The following L3MBTL4 variants were observed in gnomAD, a reference collection of about 807,000 sequenced individuals.
L3MBTL4 encodes L3MBTL histone methyl-lysine binding protein 4, also known as lethal(3)malignant brain tumor-like protein 4.
L3MBTL4 carries 70 observed loss-of-function variants against 84.5 expected under a neutral mutation model. The ratio of observed to expected loss-of-function variants is 0.83; its 90% confidence interval spans 0.68 to 1.01. The LOEUF (loss-of-function observed/expected upper bound fraction) is 1.01, where lower values mean the gene tolerates loss of function less well. Among genes scored for constraint, L3MBTL4 ranks in the 50% least tolerant of loss-of-function variants. The pLI is 0.00. For synonymous variants in L3MBTL4, 274 were observed against 259.8 expected (o/e 1.05, Z -0.52); for missense variants, 715 against 754.8 (o/e 0.95, Z 0.62).
chr18:5,956,525 C>T (rs1255323006), intron 18 of L3MBTL4, 138 bp from the exon 19 acceptor site: 12 of 697,462 alleles, frequency 1.7e-5, no homozygotes, highest in South Asian at 7.4e-5. Flanking sequence ...GAGAGAATGA[C>T]GGTAGCTCTC....
At chr18:6,020,250 G>A (rs570214929) in intron 16 of L3MBTL4, among the ~76,000 whole-genome samples, 5 of 152,224 alleles carry the variant, frequency 3.3e-5, no homozygotes, top group East Asian at 1.9e-4. Flanking sequence ...GGGAAGAGAC[G>A]TCCAGGCTGA....
intron 4 of L3MBTL4, among the ~76,000 whole-genome samples, chr18:6,279,752 T>A (rs929969591): frequency 6.6e-6 from 1 of 152,222 alleles, no homozygotes; most frequent in Non-Finnish European, 1.5e-5. Context: ...TACCACCCTG[T>A]AAGTCATCAG....
At chr18:5,964,017 G>A (rs2052201913) in intron 17 of L3MBTL4, among the ~76,000 whole-genome samples, 1 of 152,232 alleles carries the variant, frequency 6.6e-6, no homozygotes, top group Non-Finnish European at 1.5e-5. Flanking sequence ...CCTGGGCCTT[G>A]GCTTTGGCTC....
intron 12 of L3MBTL4, among the ~76,000 whole-genome samples, chr18:6,191,723 TCACACTTATAATCC>T (rs1429792999): frequency 6.6e-6 from 1 of 152,132 alleles, no homozygotes; most frequent in Non-Finnish European, 1.5e-5. Flanking sequence ...GTGCAGTGGT[TCACACTTATAATCC>T]CAACACTTTG....
At chr18:5,997,647 A>G (rs1243974208) in intron 16 of L3MBTL4, among the ~76,000 whole-genome samples, 1 of 152,032 alleles carries the variant, frequency 6.6e-6, no homozygotes, top group African/African-American at 2.4e-5. Context: ...AGACGGAACC[A>G]ATGTAAATCT....
chr18:6,352,557 T>A (rs891419951), intron 1 of L3MBTL4, among the ~76,000 whole-genome samples: 1 of 152,226 alleles, frequency 6.6e-6, no homozygotes, highest in Middle Eastern at 3.2e-3. Flanking sequence ...TTATTGTGAC[T>A]ATTTGTCACT....
At chr18:6,330,126 A>G (rs1463676015) in intron 1 of L3MBTL4, among the ~76,000 whole-genome samples, 1 of 152,182 alleles carries the variant, frequency 6.6e-6, no homozygotes, top group African/African-American at 2.4e-5. Context: ...TAAACAATCT[A>G]CTATACTTAT....
chr18:6,344,198 T>C (rs1005131594), intron 1 of L3MBTL4, among the ~76,000 whole-genome samples: 2 of 151,942 alleles, frequency 1.3e-5, no homozygotes, highest in African/African-American at 2.4e-5. Flanking sequence ...AAATCATAAA[T>C]GAAATAAGAG....
chr18:6,195,815 C>CA (rs200156923), intron 12 of L3MBTL4, among the ~76,000 whole-genome samples: 1,786 of 152,282 alleles, frequency 0.012, 19 homozygotes, highest in South Asian at 0.029. Flanking sequence ...CTTCCCTGTA[C>CA]CAGAATAAGA....
rs573586630 is a variant in L3MBTL4, at chr18:6,101,285, C to T, written c.1200-7757G>A. On this transcript the variant is annotated intron_variant, in intron 14 of 18. Coordinates refer to ENST00000317931, the MANE Select transcript of L3MBTL4 (RefSeq NM_001330559.2). ...ACTACTGTGCTGTTCCCTGGGTCTC[C>T]AGGTCCCCAGCTGGTCTGCGTCCTT... 7.9e-5 allele frequency among the ~76,000 whole-genome samples: 12 copies of T among 152,274 alleles called. No individual in the cohort carries two copies. In the East Asian group the frequency reaches 2.3e-3, roughly 29 times the overall value.
intron 1 of L3MBTL4, among the ~76,000 whole-genome samples, chr18:6,361,181 G>T (rs749052532): frequency 3.9e-5 from 6 of 152,066 alleles, no homozygotes; most frequent in Non-Finnish European, 8.8e-5. Flanking sequence ...TACCCAGCAG[G>T]ACACTGAGAG....
chr18:6,301,842 T>C (rs1432985863), intron 4 of L3MBTL4, 61 bp downstream of exon 4: 3 of 1,221,586 alleles, frequency 2.5e-6, no homozygotes, highest in Non-Finnish European at 3.6e-6. Flanking sequence ...AGCAATCTAA[T>C]AAAAATTCAC....
intron 3 of L3MBTL4, among the ~76,000 whole-genome samples, chr18:6,310,935 T>C (rs1304916511): frequency 6.6e-6 from 1 of 152,088 alleles, no homozygotes; most frequent in African/African-American, 2.4e-5. Flanking sequence ...ATTTAATCAG[T>C]TGAAGGCCTT....
intron 7 of L3MBTL4, among the ~76,000 whole-genome samples, chr18:6,242,108 T>C (rs1300835562): frequency 6.6e-6 from 1 of 152,210 alleles, no homozygotes; most frequent in African/African-American, 2.4e-5. Context: ...GCACCAGCCT[T>C]GGAACAGAAG....
At position 6,171,632 on chromosome 18, in the gene L3MBTL4, T is replaced by G. The variant is rs922269364; in HGVS notation, c.1096+196A>C. ...CACTATCAAAATAATTTTTTAAAGA[T>G]TATCACTTTTCATTAACATAACGCA... On this transcript the variant is annotated intron_variant, in intron 13 of 18. Transcript: ENST00000317931. Among the ~76,000 whole-genome samples, 5 of 152,220 alleles carry G rather than the reference T, an allele frequency of 3.3e-5. No homozygotes were observed. In the East Asian group the frequency reaches 9.6e-4, roughly 29 times the overall value.
At chr18:6,202,199 A>G (rs1340289326) in intron 12 of L3MBTL4, among the ~76,000 whole-genome samples, 1 of 152,210 alleles carries the variant, frequency 6.6e-6, no homozygotes, top group Non-Finnish European at 1.5e-5. Flanking sequence ...ATGTGGCAGC[A>G]CAGAGTCACC....
intron 16 of L3MBTL4, among the ~76,000 whole-genome samples, chr18:6,074,719 A>G (rs138000553): frequency 2.0e-3 from 311 of 152,300 alleles, no homozygotes; most frequent in African/African-American, 7.1e-3. Flanking sequence ...TACCTATACA[A>G]GTAAAGACAT....
chr18:5,980,448 T>TTTTTTA (rs2053161777), intron 16 of L3MBTL4, among the ~76,000 whole-genome samples: 4 of 141,916 alleles, frequency 2.8e-5, no homozygotes, highest in East Asian at 2.1e-4. Context: ...TTTTTTTTTT[T>TTTTTTA]GAGATGGAGT....
At chr18:6,293,211 G>A (rs752447368) in intron 4 of L3MBTL4, among the ~76,000 whole-genome samples, 10 of 152,124 alleles carry the variant, frequency 6.6e-5, no homozygotes, top group Admixed American at 1.3e-4. Flanking sequence ...TCTGTCCACT[G>A]AGAGGGCCTG....
Sources: gnomAD v4.1 joint callset for allele counts (sites outside exome capture counted in the v4.1 genomes callset) on GRCh38, gnomAD v4.1.1 for gene constraint, MANE v1.5 for transcripts, NCBI Gene and HGNC (gene_info 2026-07-23, HGNC 2026-07-21) for gene names.